The following WDR27 variants were observed in gnomAD, a reference collection of about 807,000 sequenced individuals.
WDR27 encodes WD repeat domain 27, also known as WD repeat-containing protein 27.
WDR27 carries 100 observed loss-of-function variants against 114.4 expected under a neutral mutation model. That is an observed-to-expected ratio of 0.87 (90% CI 0.74 to 1.03). The LOEUF (loss-of-function observed/expected upper bound fraction) is 1.03. WDR27 is among the 50% of genes least tolerant of loss of function. WDR27 has a pLI of 0.00. For synonymous variants in WDR27, 449 were observed against 423.1 expected, an observed-to-expected ratio of 1.06 and a Z score of -0.75; for missense variants, 1,129 against 1,092.9, an observed-to-expected ratio of 1.03 and a Z score of -0.47.
At chr6:169,691,942 C>T (rs1021184760) in intron 1 of WDR27, among the ~76,000 whole-genome samples, 2 of 152,182 alleles carry the variant, frequency 1.3e-5, no homozygotes, top group Admixed American at 1.3e-4. Flanking sequence ...CCAAGAACCA[C>T]TGCAGGAATG....
At chr6:169,432,128 G>C in the WDR27 span, among the ~76,000 whole-genome samples, 1 of 152,126 alleles carries the variant, frequency 6.6e-6, no homozygotes, top group Non-Finnish European at 1.5e-5. Context: ...AACATTTTTA[G>C]CATTGCAGTG....
intron 1 of WDR27, among the ~76,000 whole-genome samples, chr6:169,696,350 T>G (rs911287690): frequency 2.0e-5 from 3 of 152,186 alleles, no homozygotes; most frequent in African/African-American, 7.2e-5. Context: ...AGTTAAGGTA[T>G]GGGCAGTTGT....
the WDR27 span, among the ~76,000 whole-genome samples, chr6:169,444,150 T>C: frequency 6.6e-6 from 1 of 152,146 alleles, no homozygotes; most frequent in Admixed American, 6.5e-5. Context: ...GCACAGGTGC[T>C]CTGCCAGATC....
chr6:169,665,365 G>A, intron 7 of WDR27, 121 bp downstream of exon 7: 1 of 1,452,932 alleles, frequency 6.9e-7, no homozygotes, highest in East Asian at 2.5e-5. Context: ...TCAGCACTGA[G>A]GTGGACAGGT....
At chr6:169,530,468 C>A (rs975767573) in intron 25 of WDR27, among the ~76,000 whole-genome samples, 9 of 152,236 alleles carry the variant, frequency 5.9e-5, no homozygotes, top group Non-Finnish European at 8.8e-5. Flanking sequence ...CTGTTTTCCA[C>A]AAGCTGCACA....
intron 25 of WDR27, among the ~76,000 whole-genome samples, chr6:169,466,936 A>G (rs2997879): frequency 0.37 from 56,611 of 152,082 alleles, 13,262 homozygotes; most frequent in Non-Finnish European, 0.53. Context: ...TAAAATCAAA[A>G]GCAAGTTAGT....
At chr6:169,615,197 C>T (rs1010424040) in intron 21 of WDR27, among the ~76,000 whole-genome samples, 2 of 151,970 alleles carry the variant, frequency 1.3e-5, no homozygotes, top group Admixed American at 6.6e-5. Context: ...TAATATTAGG[C>T]TGGATTTCAT....
At chr6:169,549,016 C>T (rs977095875) in intron 25 of WDR27, among the ~76,000 whole-genome samples, 1 of 151,508 alleles carries the variant, frequency 6.6e-6, no homozygotes, top group Non-Finnish European at 1.5e-5. Flanking sequence ...TTAGATACAA[C>T]AAAAAAAGCA....
intron 18 of WDR27, among the ~76,000 whole-genome samples, chr6:169,637,110 T>A (rs146927976): frequency 6.6e-6 from 1 of 152,364 alleles, no homozygotes; most frequent in East Asian, 1.9e-4. Flanking sequence ...ATTTCATGAT[T>A]TGAAGGTGAG....
chr6:169,667,770 T>C (rs1433513527), intron 5 of WDR27, among the ~76,000 whole-genome samples: 3 of 152,226 alleles, frequency 2.0e-5, no homozygotes, highest in African/African-American at 7.2e-5. Flanking sequence ...AGAACCGTCC[T>C]GTCAGGAATC....
At chr6:169,654,742 C>G (rs1410326548) in intron 13 of WDR27, among the ~76,000 whole-genome samples, 2 of 150,500 alleles carry the variant, frequency 1.3e-5, no homozygotes, top group Non-Finnish European at 3.0e-5. Flanking sequence ...CAGGAGGAGG[C>G]GCGCACAGGG....
chr6:169,548,757 G>A (rs183519873), intron 25 of WDR27, among the ~76,000 whole-genome samples: 175 of 152,234 alleles, frequency 1.1e-3, no homozygotes, highest in South Asian at 1.5e-3. Context: ...CATAAATACA[G>A]CCAACAGATC....
chr6:169,535,293 AATCTATTCAG>A (rs139392648), intron 25 of WDR27, among the ~76,000 whole-genome samples: 5,570 of 152,230 alleles, frequency 0.037, 262 homozygotes, highest in African/African-American at 0.11. Flanking sequence ...ATCAGATAAA[AATCTATTCAG>A]ATCCAAATAA....
At chr6:169,633,366 G>C (rs1303144578) in intron 20 of WDR27, among the ~76,000 whole-genome samples, 2 of 152,138 alleles carry the variant, frequency 1.3e-5, no homozygotes, top group Non-Finnish European at 2.9e-5. Flanking sequence ...CGTGGTGTTT[G>C]AGATGTCCAT....
intron 8 of WDR27, among the ~76,000 whole-genome samples, chr6:169,663,055 C>T (rs889926587): frequency 3.3e-5 from 5 of 150,268 alleles, no homozygotes; most frequent in African/African-American, 1.2e-4. Context: ...GATGTGTATG[C>T]ACCATGGAGT....
rs181569858 is a variant in WDR27, at chr6:169,458,716, G to C, written c.2646-1082C>G. 1.3e-4 allele frequency among the ~76,000 whole-genome samples: 20 copies of C among 151,928 alleles called. No individual in the cohort carries two copies. In the East Asian group the frequency reaches 3.5e-3, roughly 27 times the overall value. Reference sequence around the variant, plus strand: ...GCATGAGACTTTCTTGAACCCAGGAGGGGGAGATTCCAGTGAGCCAAGATC... The same window carrying C: ...GCATGAGACTTTCTTGAACCCAGGACGGGGAGATTCCAGTGAGCCAAGATC... On this transcript the variant is annotated intron_variant, in intron 25 of 25. Transcript: ENST00000448612.
At chr6:169,472,489 G>C (rs1393758326) in intron 25 of WDR27, among the ~76,000 whole-genome samples, 2 of 152,128 alleles carry the variant, frequency 1.3e-5, no homozygotes, top group Non-Finnish European at 2.9e-5. Context: ...CTCAGTTTAG[G>C]ACAATTATTG....
chr6:169,525,359 A>G (rs1343590203), intron 25 of WDR27, among the ~76,000 whole-genome samples: 1 of 151,454 alleles, frequency 6.6e-6, no homozygotes, highest in Admixed American at 6.6e-5. Flanking sequence ...ACACGGTGAA[A>G]CCCCGTCTCT....
In WDR27 at chr6:169,500,795, G is replaced by A. The variant is rs192991136; in HGVS notation, c.2646-43161C>T. On this transcript the variant is annotated intron_variant, in intron 25 of 25. Transcript: ENST00000448612. ...TATTCTTCTACTCACTGAGGGGCTC[G>A]GAAATCTGCTGACTTTGACTGGAAA... Among the ~76,000 whole-genome samples, 77 of 152,296 alleles carry A rather than the reference G, an allele frequency of 5.1e-4. 1 individual carries two copies. In the East Asian group the frequency reaches 0.011, roughly 22 times the overall value.
Sources: allele counts gnomAD v4.1 joint callset (sites outside exome capture counted in the v4.1 genomes callset), GRCh38; gene constraint gnomAD v4.1.1; transcripts MANE v1.5; gene names NCBI Gene and HGNC (gene_info 2026-07-23, HGNC 2026-07-21).